The following CTCFL variants were observed in gnomAD, a reference collection of about 807,000 sequenced individuals.
The protein encoded by CTCFL is transcriptional repressor CTCFL.
CTCFL carries 36 observed loss-of-function variants against 67.4 expected under a neutral mutation model. The ratio of observed to expected loss-of-function variants is 0.53; its 90% CI spans 0.41 to 0.71. CTCFL has a LOEUF of 0.71. Ranked by LOEUF, CTCFL falls within the 30% of genes least tolerant of loss-of-function variation. The probability of loss-of-function intolerance (pLI) is 0.00; values close to 1 mark genes in which losing one functional copy is unlikely to be tolerated. For synonymous variants in CTCFL, 324 were observed against 302.3 expected (o/e 1.07, Z -0.75); for missense variants, 786 against 835.2 (o/e 0.94, Z 0.73).
intron 9 of CTCFL, chr20:57,507,886 T>A: frequency 1.4e-6 from 1 of 702,988 alleles, no homozygotes; most frequent in East Asian, 2.7e-5. Context: ...CCTAAAAGAA[T>A]AAAACCATAA....
intron 8 of CTCFL, among the ~76,000 whole-genome samples, chr20:57,511,479 A>G (rs2146351847): frequency 6.6e-6 from 1 of 152,254 alleles, no homozygotes; most frequent in African/African-American, 2.4e-5. Flanking sequence ...CTGTAACATC[A>G]TGGATTGGTC....
At chr20:57,501,347 G>A (rs2067903389) in intron 10 of CTCFL, among the ~76,000 whole-genome samples, 1 of 151,044 alleles carries the variant, frequency 6.6e-6, no homozygotes, top group South Asian at 2.1e-4. Context: ...CATGTTTAAG[G>A]CTGATAGGAA....
At chr20:57,513,709 C>T in intron 7 of CTCFL, 1 of 1,200,058 alleles carries the variant, frequency 8.3e-7, no homozygotes, top group Non-Finnish European at 1.1e-6. Context: ...TTGTGGAACA[C>T]CTTTCGCCTT....
intron 3 of CTCFL, 32 bp downstream of exon 3, chr20:57,523,036 G>A (rs770582974): frequency 2.0e-5 from 31 of 1,555,330 alleles, no homozygotes; most frequent in Non-Finnish European, 2.7e-5. Context: ...CCCAGTTTTA[G>A]GGAGTGTATT....
In CTCFL at chr20:57,518,906, A is replaced by G. The variant is rs2069128808; in HGVS notation, c.926-15T>C. ...GGGCCTGGTTCCTGTAAAATCACAT[A>G]GTTCATACTTTCAAAACAAGACTTA... On this transcript the variant is annotated splice_polypyrimidine_tract_variant and intron_variant, in intron 4 of 10. Transcript: ENST00000243914. 1 of 1,597,878 alleles carries G rather than the reference A, an allele frequency of 6.3e-7. No homozygotes were observed.
At chr20:57,514,830 C>T (rs1481334267) in intron 6 of CTCFL, 89 bp from the exon 7 acceptor site, 2 of 1,387,980 alleles carry the variant, frequency 1.4e-6, no homozygotes, top group Middle Eastern at 1.9e-4. Context: ...TTTTTTGCCC[C>T]AAGCCTCCTT....
At chr20:57,513,293 T>A (rs2068684492) in intron 7 of CTCFL, 6 of 985,850 alleles carry the variant, frequency 6.1e-6, no homozygotes, top group Non-Finnish European at 7.2e-6. Flanking sequence ...ATGTTGAAAT[T>A]AACCTGAGAC....
chr20:57,498,459 T>G lies in CTCFL; in HGVS notation c.*91A>C. 6.6e-7 allele frequency: 1 copy of G among 1,512,698 alleles called. No individual in the cohort carries two copies. Among genetic ancestry groups the G allele is most frequent in the Non-Finnish European group, 8.9e-7 (1 of 1,128,170 alleles). 93.7% of individuals were successfully genotyped at this position (1,512,698 alleles called of 1,614,324 possible). On this transcript the variant is annotated 3_prime_UTR_variant, in exon 11 of 11. Transcript: ENST00000243914. ...AACCTGACTCTCTCTCACTTATCCA[T>G]CGTGTTGAGGAGCATTTCACACCTT...
rs762680387 is a variant in CTCFL, at chr20:57,523,991, G to C, written c.215C>G (p.Ser72Trp). 3.7e-6 allele frequency: 6 copies of C among 1,613,186 alleles called. No individual in the cohort carries two copies. The highest frequency in any genetic ancestry group is 4.2e-6 in the Non-Finnish European group (5 of 1,179,994). The change falls in exon 2 of 11, where the codon TCG becomes TGG. Residue 72 changes from serine (S) to tryptophan (W), a missense_variant. Around this residue, in one of 3 missense-constraint regions of CTCFL, gnomAD observed 333 missense variants for 304.6 expected, o/e 1.09. Coordinates refer to ENST00000243914, the MANE Select transcript of CTCFL (RefSeq NM_001386993.1). Reference sequence around the variant, plus strand: ...CAGGATGTACTTCTCGCTCTCCTCCGAGGGGGCCAGCACCAGCTCCACTTC... The same window carrying C: ...CAGGATGTACTTCTCGCTCTCCTCCCAGGGGGCCAGCACCAGCTCCACTTC... ...EEEVELVLAP[S>W]EESEKYILTL...
intron 5 of CTCFL, among the ~76,000 whole-genome samples, chr20:57,517,631 G>A (rs569896462): frequency 3.7e-4 from 56 of 152,176 alleles, no homozygotes; most frequent in African/African-American, 1.2e-3. Flanking sequence ...GCTTTGATAC[G>A]TTCCTGCTGC....
At chr20:57,517,931 C>A (rs955379449) in intron 5 of CTCFL, among the ~76,000 whole-genome samples, 1 of 152,172 alleles carries the variant, frequency 6.6e-6, no homozygotes, top group African/African-American at 2.4e-5. Context: ...ACCTTTAACT[C>A]AGATGAGAAA....
intron 3 of CTCFL, among the ~76,000 whole-genome samples, chr20:57,521,301 C>A (rs1045620771): frequency 2.6e-5 from 4 of 152,158 alleles, no homozygotes; most frequent in African/African-American, 9.7e-5. Flanking sequence ...CCAATGAAAA[C>A]ATGAGGAGAT....
At chr20:57,513,959 A>T (rs2068729382) in intron 7 of CTCFL, 2 of 1,167,166 alleles carry the variant, frequency 1.7e-6, no homozygotes, top group Non-Finnish European at 2.3e-6. Context: ...CACAGGCAGT[A>T]TCAAATCCCA....
intron 1 of CTCFL, chr20:57,524,584 C>T (rs1381800913): frequency 3.9e-6 from 4 of 1,037,072 alleles, no homozygotes; most frequent in Non-Finnish European, 2.3e-6. Flanking sequence ...CAGTGAACAT[C>T]CTGGGCCTAG....
intron 10 of CTCFL, among the ~76,000 whole-genome samples, chr20:57,499,093 G>GGGGGGGGC (rs2067794902): frequency 1.6e-5 from 2 of 128,678 alleles, no homozygotes; most frequent in African/African-American, 2.7e-5. Context: ...GTGGGGGGGG[G>GGGGGGGGC]ACACAGTCAT....
At chr20:57,519,491 A>C in intron 3 of CTCFL, 114 bp from the exon 4 acceptor site, 1 of 849,284 alleles carries the variant, frequency 1.2e-6, no homozygotes, top group South Asian at 1.6e-5. Context: ...ACAATAGCAC[A>C]TGCTATTTAT....
chr20:57,518,593 A>G, intron 5 of CTCFL, 165 bp downstream of exon 5: 2 of 1,494,178 alleles, frequency 1.3e-6, no homozygotes, highest in Non-Finnish European at 1.8e-6. Context: ...CCAATTTTCT[A>G]TTTTAACTTC....
intron 8 of CTCFL, among the ~76,000 whole-genome samples, chr20:57,509,451 C>T (rs1040121394): frequency 7.2e-5 from 11 of 151,912 alleles, no homozygotes; most frequent in South Asian, 6.2e-4. Flanking sequence ...TTTGTAGAGA[C>T]AGGGTCTCAC....
At chr20:57,523,594 T>C (rs2069566416) in intron 2 of CTCFL, 69 bp downstream of exon 2, 3 of 1,546,342 alleles carry the variant, frequency 1.9e-6, no homozygotes, top group Non-Finnish European at 2.6e-6. Context: ...CCAGACATAA[T>C]ATTGCATAAA....
Sources: allele counts gnomAD v4.1 joint callset (sites outside exome capture counted in the v4.1 genomes callset), GRCh38; gene constraint gnomAD v4.1.1; regional missense constraint gnomAD v4.1.1; transcripts MANE v1.5; gene names NCBI Gene and HGNC (gene_info 2026-07-23, HGNC 2026-07-21).